The following PDE1A variants were observed in gnomAD, a reference collection of about 807,000 sequenced individuals.
PDE1A encodes dual specificity calcium/calmodulin-dependent 3',5'-cyclic nucleotide phosphodiesterase 1A.
In PDE1A, 35 loss-of-function variants were observed where a neutral mutation model predicts 61.7. The observed-to-expected ratio is 0.57, with a 90% confidence interval of 0.43 to 0.75. The LOEUF is 0.75. PDE1A is among the 30% of genes least tolerant of loss of function. The pLI is 0.00. For synonymous variants in PDE1A, 232 were observed against 213.2 expected (o/e 1.09, Z -0.77); for missense variants, 597 against 630.6 (o/e 0.95, Z 0.57).
intron 13 of PDE1A, among the ~76,000 whole-genome samples, chr2:182,174,654 A>C (rs1692560447): frequency 6.6e-6 from 1 of 152,142 alleles, no homozygotes; most frequent in African/African-American, 2.4e-5. Flanking sequence ...GGGAAGAAAT[A>C]GTGTAAATAA....
chr2:182,398,006 G>C (rs762731315), intron 1 of PDE1A, among the ~76,000 whole-genome samples: 1 of 151,976 alleles, frequency 6.6e-6, no homozygotes, highest in African/African-American at 2.4e-5. Context: ...GTTTACATGA[G>C]AGACATGGTA....
intron 10 of PDE1A, among the ~76,000 whole-genome samples, chr2:182,195,446 G>C (rs1686060098): frequency 6.6e-6 from 1 of 152,038 alleles, no homozygotes; most frequent in Non-Finnish European, 1.5e-5. Flanking sequence ...GCCTACCCTT[G>C]AGTTTTCTGA....
intron 2 of PDE1A, among the ~76,000 whole-genome samples, chr2:182,466,474 T>C (rs1387891484): frequency 1.3e-5 from 2 of 151,924 alleles, no homozygotes; most frequent in African/African-American, 2.4e-5. Flanking sequence ...ATTGGGGAAA[T>C]TGAGGAGTGG....
At chr2:182,492,665 G>C (rs1207296076) in intron 2 of PDE1A, among the ~76,000 whole-genome samples, 1 of 152,166 alleles carries the variant, frequency 6.6e-6, no homozygotes, top group Admixed American at 6.5e-5. Context: ...TTGTGAATTA[G>C]TTTCACTTAG....
chr2:182,212,602 G>A (rs2125541096), intron 7 of PDE1A, among the ~76,000 whole-genome samples: 1 of 152,362 alleles, frequency 6.6e-6, no homozygotes, highest in East Asian at 1.9e-4. Flanking sequence ...TGCCTCACTT[G>A]GGAAGCGCAA....
chr2:182,645,087 G>A, the PDE1A span, among the ~76,000 whole-genome samples: 12 of 149,934 alleles, frequency 8.0e-5, no homozygotes, highest in Non-Finnish European at 1.0e-4. Context: ...CTGGGTTTAC[G>A]CCATTCTCCT....
At chr2:182,703,813 A>G in the PDE1A span, among the ~76,000 whole-genome samples, 3 of 152,298 alleles carry the variant, frequency 2.0e-5, no homozygotes, top group South Asian at 4.1e-4. Context: ...AAAGTAAGGC[A>G]TATTCCAGGC....
At chr2:182,187,960 G>A (rs771135312) in intron 11 of PDE1A, among the ~76,000 whole-genome samples, 1 of 150,842 alleles carries the variant, frequency 6.6e-6, no homozygotes, top group Non-Finnish European at 1.5e-5. Context: ...TAGCCAAGAT[G>A]GTCTTGATCT....
chr2:182,280,773 GA>G (rs1205119257), intron 1 of PDE1A, among the ~76,000 whole-genome samples: 1 of 151,024 alleles, frequency 6.6e-6, no homozygotes, highest in Non-Finnish European at 1.5e-5. Flanking sequence ...TTTCAAGCTG[GA>G]AAAAAAATCA....
chr2:182,191,859 T>C (rs201037585), intron 10 of PDE1A, among the ~76,000 whole-genome samples: 4 of 148,980 alleles, frequency 2.7e-5, no homozygotes, highest in African/African-American at 7.3e-5. Flanking sequence ...TTTTTTTTTA[T>C]TTTTTTATTT....
At chr2:182,677,345 C>G in the PDE1A span, among the ~76,000 whole-genome samples, 122 of 152,244 alleles carry the variant, frequency 8.0e-4, 2 homozygotes, top group East Asian at 3.1e-3. Context: ...ATACAGCTAA[C>G]CAGGGAGGTG....
chr2:182,686,941 C>T, the PDE1A span, among the ~76,000 whole-genome samples: 1 of 152,182 alleles, frequency 6.6e-6, no homozygotes, highest in Non-Finnish European at 1.5e-5. Flanking sequence ...GCTAGCAAAG[C>T]AGTCTGAGAT....
At chr2:182,523,143 A>C (rs1207350771), upstream of PDE1A, 1 of 152,194 alleles carries the variant, frequency 6.6e-6, no homozygotes, top group African/African-American at 2.4e-5. Flanking sequence ...CTGCCAATTT[A>C]ACCAGTGGAA....
At chr2:182,364,492 A>AC (rs1296642615) in intron 1 of PDE1A, among the ~76,000 whole-genome samples, 1 of 145,048 alleles carries the variant, frequency 6.9e-6, no homozygotes, top group African/African-American at 2.5e-5. Context: ...AAAAAAAAAA[A>AC]AAAAAAACCT....
chr2:182,474,544 A>G (rs939133857), intron 2 of PDE1A, among the ~76,000 whole-genome samples: 1 of 151,920 alleles, frequency 6.6e-6, no homozygotes, highest in African/African-American at 2.4e-5. Context: ...ATTTTTTAAC[A>G]TATAAAATGC....
chr2:182,434,462 C>T (rs1704110402), intron 2 of PDE1A, among the ~76,000 whole-genome samples: 1 of 152,016 alleles, frequency 6.6e-6, no homozygotes, highest in African/African-American at 2.4e-5. Context: ...AAGGTGTCAG[C>T]CTCTGGTTTA....
intron 2 of PDE1A, among the ~76,000 whole-genome samples, chr2:182,442,008 T>C (rs1168345787): frequency 1.3e-5 from 2 of 152,070 alleles, no homozygotes; most frequent in African/African-American, 2.4e-5. Flanking sequence ...AATCAGTGAA[T>C]AGTAAAACCA....
chr2:182,237,811 T>C (rs188462491), intron 3 of PDE1A, among the ~76,000 whole-genome samples: 210 of 152,156 alleles, frequency 1.4e-3, no homozygotes, highest in African/African-American at 4.9e-3. Flanking sequence ...GATGAATGGC[T>C]CCAAGGCAGG....
chr2:182,536,463 C>G, the PDE1A span, among the ~76,000 whole-genome samples: 1 of 152,058 alleles, frequency 6.6e-6, no homozygotes, highest in Non-Finnish European at 1.5e-5. Flanking sequence ...TGTTGAGTGC[C>G]TACCATATGC....
Sources: allele counts gnomAD v4.1 joint callset (sites outside exome capture counted in the v4.1 genomes callset), GRCh38; gene constraint gnomAD v4.1.1; transcripts MANE v1.5; gene names NCBI Gene and HGNC (gene_info 2026-07-23, HGNC 2026-07-21).